The following PCDH18 variants were observed in gnomAD, a reference collection of about 807,000 sequenced individuals.
PCDH18 encodes protocadherin 18, also known as protocadherin-18.
Under a neutral mutation model 71.5 loss-of-function variants are expected in PCDH18, and 38 were observed. The ratio of observed to expected loss-of-function variants is 0.53; its 90% CI spans 0.41 to 0.70. The LOEUF is 0.70. PCDH18 is among the 30% of genes least tolerant of loss of function. PCDH18 has a pLI of 0.00. For synonymous variants in PCDH18, 565 were observed against 505.4 expected, an observed-to-expected ratio of 1.12 and a Z score of -1.58; for missense variants, 1,334 against 1,384.6, an observed-to-expected ratio of 0.96 and a Z score of 0.58.
intron 3 of PCDH18, among the ~76,000 whole-genome samples, chr4:137,524,149 T>G (rs191547093): frequency 6.6e-5 from 10 of 152,172 alleles, no homozygotes; most frequent in Non-Finnish European, 1.3e-4. Context: ...TGTTGCTCCT[T>G]GAAAGCTCTT....
rs1412977591 is a variant in PCDH18 at position 137,530,423 on chromosome 4, G to T, written c.1666C>A (p.Leu556Met). 6.2e-7 allele frequency: 1 copy of T among 1,614,088 alleles called. No individual in the cohort carries two copies. Among genetic ancestry groups the T allele is most frequent in the Non-Finnish European group, 8.5e-7 (1 of 1,179,956 alleles). ...AGCACAACTGTGGTATTGCTTACCA[G>T]TTGCTTCGGGCTTCCTCCATCTCTT... The part of the protein sequence containing the change: ...EARDGGSPKQ[L>M]VSNTTVVLTI... Residue 556 changes from leucine to methionine, a missense_variant, in exon 1 of 4, where the codon CTG becomes ATG. Leu to Met is a conservative substitution (Grantham distance 15, BLOSUM62 2). Transcript: ENST00000344876.
rs150450158 is a variant in PCDH18, at chr4:137,529,236, G to T, written c.2487+366C>A. ...CATGCATTGAAATAGAAGTCTGAAG[G>T]CCTCAGTTTTTTTATTTGTTCAGTA... On this transcript the variant is annotated intron_variant, in intron 1 of 3. Coordinates refer to ENST00000344876, the MANE Select transcript of PCDH18 (RefSeq NM_019035.5). The T allele has an allele frequency of 6.1e-5, 15 of 245,672 alleles. No homozygotes were observed. The East Asian group carries it at 8.6e-4, about 14-fold the overall frequency. The allele number at this position is 245,672 out of a possible 1,614,324, so 15.2% of individuals were successfully genotyped here. A position where few individuals can be genotyped will look rare whatever the true frequency, so the allele number is the denominator to read the frequency against.
At chr4:137,523,807 T>C (rs539109691) in intron 3 of PCDH18, among the ~76,000 whole-genome samples, 6 of 152,182 alleles carry the variant, frequency 3.9e-5, no homozygotes, top group South Asian at 2.1e-4. Flanking sequence ...GTCATAGAAA[T>C]TTTTTAAACA....
Position 137,526,958 on chromosome 4 carries a change from T to TAA in PCDH18, c.2740+1518_2740+1519dup, listed in dbSNP as rs750084137. Among the ~76,000 whole-genome samples, 183 of 127,708 alleles carry TAA rather than the reference T, an allele frequency of 1.4e-3. 1 individual carries two copies. The highest frequency in any genetic ancestry group is 4.7e-3 in the African/African-American group (164 of 34,554). The allele number at this position is 127,708 out of a possible 152,430, so 83.8% of individuals were successfully genotyped here. A position where few individuals can be genotyped will look rare whatever the true frequency, so the allele number is the denominator to read the frequency against. On this transcript the variant is annotated intron_variant, in intron 3 of 3. Transcript: ENST00000344876. Reference sequence around the variant, plus strand: ...TTTATAACTTTCAGTTTCCAAATCTTAAAAAAAAAAAAAAAAAAAAAATAG... The same window carrying TAA: ...TTTATAACTTTCAGTTTCCAAATCTTAAAAAAAAAAAAAAAAAAAAAAAATAG...
chr4:137,526,211 T>G (rs1731452592), intron 3 of PCDH18, among the ~76,000 whole-genome samples: 1 of 151,996 alleles, frequency 6.6e-6, no homozygotes, highest in Non-Finnish European at 1.5e-5. Context: ...TAAAAGGGAC[T>G]TTAGGATCAT....
At position 137,521,213 on chromosome 4, in the gene PCDH18, G is replaced by C. The variant is rs867734379; in HGVS notation, c.3224C>G (p.Thr1075Ser). The C allele has an allele frequency of 6.2e-7, 1 of 1,613,962 alleles. No homozygotes were observed. The highest frequency in any genetic ancestry group is 1.7e-5 in the Admixed American group (1 of 60,018). ...PTTNCGPPLG[T>S]HSSVQPSSKW... ...TGAAGAAGGCTGCACACTGGAGTGA[G>C]TTCCAAGTGGCGGCCCACAGTTGGT... Residue 1075 changes from threonine (T) to serine (S), a missense_variant, in exon 4 of 4, where the codon ACT becomes AGT. Physicochemically the swap from Thr to Ser is moderately conservative, Grantham distance 58. This residue lies in a region of PCDH18 where 319 missense variants were observed against 316.3 expected (regional missense o/e 1.01). Transcript: ENST00000344876.
At position 137,530,468 on chromosome 4, in the gene PCDH18, T is replaced by C. The variant is rs768464804; in HGVS notation, c.1621A>G (p.Ile541Val). 3.7e-6 allele frequency: 6 copies of C among 1,614,004 alleles called. No homozygotes were observed. In the East Asian group the frequency reaches 1.3e-4, roughly 36 times the overall value. The change falls in exon 1 of 4, where the codon ATC becomes GTC. Residue 541 changes from isoleucine (I) to valine (V), a missense_variant. Physicochemically the swap from Ile to Val is conservative, Grantham distance 29. This residue lies in a region of PCDH18 where 1,011 missense variants were observed against 1,048.0 expected (regional missense o/e 0.96). Coordinates refer to ENST00000344876, the MANE Select transcript of PCDH18 (RefSeq NM_019035.5). ...RIFDHEEVSQ[I>V]TFVVEARDGG... ...TCTCTTGCTTCTACCACAAAAGTGA[T>C]CTGACTCACTTCTTCATGATCAAAG...
At chr4:137,529,422 A>G in intron 1 of PCDH18, 180 bp downstream of exon 1, 1 of 479,292 alleles carries the variant, frequency 2.1e-6, no homozygotes, top group Admixed American at 3.5e-5. Context: ...AAGGAAAACT[A>G]AAAACAGTAT....
intron 1 of PCDH18, 28 bp downstream of exon 1, chr4:137,529,574 A>C (rs1322196088): frequency 6.8e-7 from 1 of 1,478,658 alleles, no homozygotes; most frequent in South Asian, 1.3e-5. Flanking sequence ...CTAACATTGC[A>C]ATGAATTGAT....
intron 3 of PCDH18, among the ~76,000 whole-genome samples, chr4:137,527,978 T>G (rs529958052): frequency 6.6e-6 from 1 of 152,318 alleles, no homozygotes; most frequent in African/African-American, 2.4e-5. Flanking sequence ...CCTTCTCCTA[T>G]TTTTAATGCT....
In PCDH18 at chr4:137,531,606, T is replaced by A. The variant is rs376426041; in HGVS notation, c.483A>T (p.Ala161=). 9.3e-6 allele frequency: 15 copies of A among 1,613,734 alleles called. No homozygotes were observed. The Middle Eastern group carries it at 4.9e-4, about 53-fold the overall frequency. The change falls in exon 1 of 4, where the codon GCA becomes GCT. Residue 161 remains alanine (A), a synonymous_variant. Transcript: ENST00000344876. ...AVGTRIPLDS[A]FDPDVGENSL... ...AATTTTCCCCAACATCTGGATCAAA[T>A]GCACTGTCCAGGGGAATGCGAGTCC...
In PCDH18 at chr4:137,519,570, A is replaced by T. The variant is rs923814264; in HGVS notation, c.*1459T>A. 1.2e-4 allele frequency: 19 copies of T among 152,274 alleles called. No homozygotes were observed. Among genetic ancestry groups the T allele is most frequent in the African/African-American group, 3.9e-4 (16 of 41,554 alleles). The allele number at this position is 152,274 out of a possible 1,614,324, so 9.4% of individuals were successfully genotyped here. ...TCCATTGTGTTTTTCTTGTTCGCCC[A>T]GCCAACTGAATGCTGCCTGTTTATT... On this transcript the variant is annotated 3_prime_UTR_variant, in exon 4 of 4. Transcript: ENST00000344876.
intron 3 of PCDH18, among the ~76,000 whole-genome samples, chr4:137,524,155 C>T (rs1156899766): frequency 2.0e-5 from 3 of 152,256 alleles, no homozygotes; most frequent in South Asian, 2.1e-4. Context: ...TCCTTGAAAG[C>T]TCTTATAGGT....
chr4:137,523,454 T>A (rs1264049409), intron 3 of PCDH18, among the ~76,000 whole-genome samples: 2 of 152,064 alleles, frequency 1.3e-5, no homozygotes, highest in African/African-American at 4.8e-5. Context: ...GGTAATGATT[T>A]TTTTTTTCCT....
At chr4:137,522,311 A>G (rs1489330832) in intron 3 of PCDH18, among the ~76,000 whole-genome samples, 2 of 152,316 alleles carry the variant, frequency 1.3e-5, no homozygotes, top group South Asian at 4.1e-4. Flanking sequence ...TTAAAGATTC[A>G]AAATATATTT....
In PCDH18 at chr4:137,520,974, G is replaced by T; in HGVS notation, c.*55C>A. The T allele has an allele frequency of 7.9e-7, 1 of 1,268,740 alleles. No individual in the cohort carries two copies. The highest frequency in any genetic ancestry group is 1.1e-6 in the Non-Finnish European group (1 of 908,284). The allele number at this position is 1,268,740 out of a possible 1,614,324, so 78.6% of individuals were successfully genotyped here. The stretch of plus-strand genomic sequence containing the variant: ...AGTTCTTTCAGGGTTTTTTGTTGTT[G>T]TTGTTGTTCCCTATTTCCATATACA... On this transcript the variant is annotated 3_prime_UTR_variant, in exon 4 of 4. Transcript: ENST00000344876.
chr4:137,530,188 C>T lies in PCDH18; in HGVS notation c.1901G>A (p.Arg634Gln), dbSNP rs202041043. Residue 634 changes from arginine (R) to glutamine (Q), a missense_variant, in exon 1 of 4, where the codon CGA becomes CAA. By Grantham distance (43) the Arg-to-Gln change is conservative. Transcript: ENST00000344876. The part of the protein sequence containing the change: ...NEENIFIIDP[R>Q]SCDIHTNVSM... Reference sequence around the variant, plus strand: ...AACGTTGGTATGGATGTCACATGATCGTGGATCAATTATGAAGATATTCTC... The same window carrying T: ...AACGTTGGTATGGATGTCACATGATTGTGGATCAATTATGAAGATATTCTC... 2.2e-5 allele frequency: 36 copies of T among 1,613,472 alleles called. No homozygotes were observed. Among genetic ancestry groups the T allele is most frequent in the Non-Finnish European group, 3.0e-5 (35 of 1,179,794 alleles).
chr4:137,520,324 G>A lies in PCDH18; in HGVS notation c.*705C>T, dbSNP rs1731252295. The A allele has an allele frequency of 6.6e-6, 1 of 152,192 alleles. No homozygotes were observed. The highest frequency in any genetic ancestry group is 2.1e-4 in the South Asian group (1 of 4,834). 9.4% of individuals were successfully genotyped at this position (152,192 alleles called of 1,614,324 possible). A position where few individuals can be genotyped will look rare whatever the true frequency, so the allele number is the denominator to read the frequency against. ...GAGAAATATTCTCCGGAACAGGCCA[G>A]TGTGATGGCCTGGAATAGTAGGGGC... On this transcript the variant is annotated 3_prime_UTR_variant, in exon 4 of 4. Transcript: ENST00000344876.
intron 3 of PCDH18, among the ~76,000 whole-genome samples, chr4:137,523,835 C>T (rs1160777999): frequency 6.6e-6 from 1 of 152,002 alleles, no homozygotes; most frequent in East Asian, 1.9e-4. Context: ...TTATTTGCAA[C>T]TTCATCCCAA....
Sources: allele counts gnomAD v4.1 joint callset (sites outside exome capture counted in the v4.1 genomes callset), GRCh38; gene constraint gnomAD v4.1.1; regional missense constraint gnomAD v4.1.1; transcripts MANE v1.5; gene names NCBI Gene and HGNC (gene_info 2026-07-23, HGNC 2026-07-21).